The following TMEFF2 variants were observed in gnomAD, a reference collection of about 807,000 sequenced individuals.
TMEFF2 encodes transmembrane protein with EGF like and two follistatin like domains 2.
TMEFF2 carries 28 observed loss-of-function variants against 53.8 expected under a neutral mutation model. The observed-to-expected ratio is 0.52, with a 90% confidence interval of 0.39 to 0.71. The LOEUF (loss-of-function observed/expected upper bound fraction) is 0.71. Among genes scored for constraint, TMEFF2 ranks in the 30% least tolerant of loss-of-function variants. The probability of loss-of-function intolerance (pLI) is 0.00; values close to 1 mark genes in which losing one functional copy is unlikely to be tolerated. For synonymous variants in TMEFF2, 162 were observed against 166.3 expected, an observed-to-expected ratio of 0.97 and a Z score of 0.20; for missense variants, 353 against 455.2, an observed-to-expected ratio of 0.78 and a Z score of 2.04.
chr2:191,964,384 T>TTCTCTC, intron 7 of TMEFF2, among the ~76,000 whole-genome samples: 1 of 40,964 alleles, frequency 2.4e-5, no homozygotes, highest in Non-Finnish European at 5.2e-5. Context: ...CTTTCTTTCT[T>TTCTCTC]TCTTTCTTTC....
chr2:192,169,267 G>A (rs1559155327), intron 4 of TMEFF2, among the ~76,000 whole-genome samples: 1 of 152,128 alleles, frequency 6.6e-6, no homozygotes, highest in Non-Finnish European at 1.5e-5. Flanking sequence ...ATTGACTTTA[G>A]TCTTGGAATA....
chr2:192,043,022 A>G (rs1036281213), intron 5 of TMEFF2, among the ~76,000 whole-genome samples: 45 of 152,132 alleles, frequency 3.0e-4, no homozygotes, highest in African/African-American at 1.1e-3. Flanking sequence ...TCTAAATGCA[A>G]TTGGAGTAAT....
At chr2:192,113,289 T>A (rs1384424987) in intron 4 of TMEFF2, among the ~76,000 whole-genome samples, 1 of 152,188 alleles carries the variant, frequency 6.6e-6, no homozygotes, top group African/African-American at 2.4e-5. Context: ...GATTAATAAT[T>A]GGGCAGGTTG....
intron 7 of TMEFF2, among the ~76,000 whole-genome samples, chr2:191,987,837 A>T (rs973048345): frequency 2.0e-5 from 3 of 152,214 alleles, no homozygotes; most frequent in African/African-American, 7.2e-5. Flanking sequence ...AGCCTTGTAG[A>T]GAATCCAAAA....
intron 4 of TMEFF2, among the ~76,000 whole-genome samples, chr2:192,105,145 CCTACT>C (rs1040613054): frequency 1.3e-5 from 2 of 151,874 alleles, no homozygotes; most frequent in Non-Finnish European, 2.9e-5. Flanking sequence ...TTTCATTTGA[CCTACT>C]CTAAAGTGAC....
At chr2:192,068,603 A>G (rs778955966) in intron 4 of TMEFF2, among the ~76,000 whole-genome samples, 1 of 151,844 alleles carries the variant, frequency 6.6e-6, no homozygotes, top group African/African-American at 2.4e-5. Context: ...GACTTTGGAT[A>G]AAAGAAAGCA....
At chr2:191,952,203 C>T (rs183952752) in intron 9 of TMEFF2, among the ~76,000 whole-genome samples, 1 of 152,260 alleles carries the variant, frequency 6.6e-6, no homozygotes, top group East Asian at 1.9e-4. Context: ...ATATACGATA[C>T]ACACACATAA....
chr2:191,952,397 T>C (rs896611563), intron 9 of TMEFF2, among the ~76,000 whole-genome samples: 1 of 152,224 alleles, frequency 6.6e-6, no homozygotes, highest in Non-Finnish European at 1.5e-5. Flanking sequence ...CCATTAAATA[T>C]AGGTTTTGTT....
chr2:192,143,903 C>T (rs1000350574), intron 4 of TMEFF2, among the ~76,000 whole-genome samples: 15 of 152,034 alleles, frequency 9.9e-5, no homozygotes, highest in African/African-American at 3.6e-4. Context: ...TTTATTTTTG[C>T]CTGACTTTTT....
At chr2:191,950,475 A>G (rs753282079) in intron 9 of TMEFF2, 68 bp from the exon 10 acceptor site, 2 of 1,601,214 alleles carry the variant, frequency 1.2e-6, no homozygotes, top group African/African-American at 2.7e-5. Flanking sequence ...CTACAATCAC[A>G]GAATAAAGAT....
rs906764106 is a variant in TMEFF2, at chr2:192,194,130, G to T, written c.172+223C>A. Among the ~76,000 whole-genome samples, 2 of 152,114 alleles carry T rather than the reference G, an allele frequency of 1.3e-5. No homozygotes were observed. Among genetic ancestry groups the T allele is most frequent in the Non-Finnish European group, 2.9e-5 (2 of 68,012 alleles). ...CCAATGTAAGCGCAAGCATGCAAAG[G>T]TTTCCTGCTACACCTGCACTTTCTG... On this transcript the variant is annotated intron_variant, in intron 1 of 9. Transcript: ENST00000272771. The surrounding 1 kb of genome is among the most constrained non-coding windows in gnomAD (Gnocchi z 4.2).
chr2:192,176,053 T>G (rs1328605463), intron 4 of TMEFF2, among the ~76,000 whole-genome samples: 1 of 151,434 alleles, frequency 6.6e-6, no homozygotes, highest in East Asian at 1.9e-4. Context: ...TCCTGCAGTA[T>G]TTGTTGCTTA....
intron 4 of TMEFF2, among the ~76,000 whole-genome samples, chr2:192,104,947 C>T (rs1022932211): frequency 6.6e-5 from 10 of 152,014 alleles, no homozygotes; most frequent in African/African-American, 2.4e-4. Context: ...AAAATTGTAA[C>T]CCTGACTGTT....
chr2:192,037,643 AAGAGAG>A (rs34986284), intron 5 of TMEFF2, among the ~76,000 whole-genome samples: 106,934 of 143,052 alleles, frequency 0.75, 40,861 homozygotes, highest in Middle Eastern at 0.87. Flanking sequence ...AAGAGAGAGA[AAGAGAG>A]AGAGAGAGAG....
At chr2:191,968,878 A>G (rs1283717083) in intron 7 of TMEFF2, among the ~76,000 whole-genome samples, 4 of 152,126 alleles carry the variant, frequency 2.6e-5, no homozygotes, top group Admixed American at 2.0e-4. Flanking sequence ...TAACATCACC[A>G]TACATACAGA....
At chr2:191,975,872 C>A (rs1685712720) in intron 7 of TMEFF2, among the ~76,000 whole-genome samples, 1 of 152,100 alleles carries the variant, frequency 6.6e-6, no homozygotes, top group South Asian at 2.1e-4. Flanking sequence ...AGAATTGGAC[C>A]CATACAAGCC....
At chr2:192,117,659 A>C in intron 4 of TMEFF2, among the ~76,000 whole-genome samples, 1 of 151,510 alleles carries the variant, frequency 6.6e-6, no homozygotes, top group Non-Finnish European at 1.5e-5. Flanking sequence ...CTCTTTTTCC[A>C]CCTCCCCACC....
chr2:192,046,746 C>T (rs556992293), intron 5 of TMEFF2, among the ~76,000 whole-genome samples: 13 of 152,132 alleles, frequency 8.5e-5, no homozygotes, highest in African/African-American at 3.1e-4. Context: ...GTTGTGTTTT[C>T]TTTTTCCAAA....
chr2:192,166,348 T>C (rs1250114910), intron 4 of TMEFF2, among the ~76,000 whole-genome samples: 2 of 152,164 alleles, frequency 1.3e-5, no homozygotes, highest in African/African-American at 4.8e-5. Context: ...TCTTTATGAC[T>C]TTCTTCTTTG....
Sources: gnomAD v4.1 joint callset for allele counts (sites outside exome capture counted in the v4.1 genomes callset) on GRCh38, gnomAD v4.1.1 for gene constraint, Gnocchi (gnomAD v3.1) non-coding constraint, MANE v1.5 for transcripts, NCBI Gene and HGNC (gene_info 2026-07-23, HGNC 2026-07-21) for gene names.